Variants in SLC14A2 observed in about 807,000 individuals in gnomAD.
SLC14A2 encodes the protein urea transporter 2.
A neutral mutation model predicts 104.6 loss-of-function variants in SLC14A2; 91 were observed. The observed-to-expected ratio is 0.87, with a 90% CI of 0.73 to 1.04. The LOEUF is 1.04. SLC14A2 is among the 50% of genes least tolerant of loss of function. SLC14A2 has a pLI of 0.00. For missense variants in SLC14A2, 1,189 were observed against 1,156.0 expected, an observed-to-expected ratio of 1.03 and a Z score of -0.41; for synonymous variants, 476 against 466.4, an observed-to-expected ratio of 1.02 and a Z score of -0.27.
chr18:45,643,941 A>C, intron 9 of SLC14A2, 45 bp from the exon 10 acceptor site: 1 of 1,579,808 alleles, frequency 6.3e-7, no homozygotes, highest in South Asian at 1.1e-5. Flanking sequence ...AGCCCAACAC[A>C]GGAAACTAGG....
intron 10 of SLC14A2, chr18:45,647,398 CT>C (rs2045643204): frequency 6.6e-6 from 1 of 152,112 alleles, no homozygotes; most frequent in South Asian, 2.1e-4. Context: ...TTTGTTATCT[CT>C]TTTCTTTAAT....
At chr18:45,283,456 C>T (rs1025281822) in intron 1 of SLC14A2, among the ~76,000 whole-genome samples, 1 of 142,354 alleles carries the variant, frequency 7.0e-6, no homozygotes, top group African/African-American at 2.9e-5. Flanking sequence ...TTTCTGAACA[C>T]GTTGAGTCTC....
chr18:45,624,571 A>G, intron 1 of SLC14A2, 60 bp from the exon 2 acceptor site: 1 of 1,341,850 alleles, frequency 7.5e-7, no homozygotes, highest in Non-Finnish European at 1.0e-6. Flanking sequence ...GTCCAGCCTC[A>G]GCCAAGTCCC....
At chr18:45,584,564 G>T (rs1483092706) in intron 2 of SLC14A2, among the ~76,000 whole-genome samples, 1 of 152,204 alleles carries the variant, frequency 6.6e-6, no homozygotes, top group African/African-American at 2.4e-5. Flanking sequence ...AGCTAAATAT[G>T]AATGCACAGT....
rs540647507 is a variant in SLC14A2 at position 45,683,506 on chromosome 18, C to T, written c.*987C>T. The T allele has an allele frequency of 3.3e-5, 5 of 152,276 alleles. No homozygotes were observed. The South Asian group carries it at 6.2e-4, about 19-fold the overall frequency. The allele number at this position is 152,276 out of a possible 1,614,324, so 9.4% of individuals were successfully genotyped here. On this transcript the variant is annotated 3_prime_UTR_variant, in exon 20 of 20. Coordinates refer to ENST00000255226, the MANE Select transcript of SLC14A2 (RefSeq NM_007163.4). ...GAGTCATAGGAAAATGCTCTCCAGA[C>T]GTGGGGTTAGGAACCTAAATTCACT...
rs572517021 is a variant in SLC14A2 at position 45,669,195 on chromosome 18, C to A, written c.2037-111C>A. The A allele has an allele frequency of 1.3e-3, 1,087 of 847,388 alleles. 21 individuals carry two copies. The South Asian group carries it at 0.018, about 14-fold the overall frequency. 52.5% of individuals were successfully genotyped at this position (847,388 alleles called of 1,614,324 possible). On this transcript the variant is annotated intron_variant, in intron 15 of 19. Transcript: ENST00000255226. ...AGGGCCAGTCAGGCTCCAGAGAATA[C>A]CCAGCAGGCTGCTTTTCTCTAGGAA... is the stretch of plus-strand genomic sequence containing the variant.
chr18:45,396,446 A>C (rs1277187862), intron 1 of SLC14A2, among the ~76,000 whole-genome samples: 1 of 152,108 alleles, frequency 6.6e-6, no homozygotes, highest in African/African-American at 2.4e-5. Flanking sequence ...CAACTATACT[A>C]TCCACATTGC....
chr18:45,288,406 A>G (rs1176514221), intron 1 of SLC14A2, among the ~76,000 whole-genome samples: 2 of 152,212 alleles, frequency 1.3e-5, no homozygotes, highest in East Asian at 3.8e-4. Flanking sequence ...GTGGGGCAGG[A>G]GCAACGATGG....
the SLC14A2 span, among the ~76,000 whole-genome samples, chr18:45,186,540 TAGAC>T: frequency 6.6e-6 from 1 of 152,162 alleles, no homozygotes; most frequent in Non-Finnish European, 1.5e-5. Flanking sequence ...CTCATGCACA[TAGAC>T]AGCCAGGAAG....
Position 45,551,405 on chromosome 18 carries a change from G to A in SLC14A2, c.-35+68083G>A, listed in dbSNP as rs144329781. 6.9e-3 allele frequency among the ~76,000 whole-genome samples: 1,049 copies of A among 152,350 alleles called. 2 individuals are homozygous for A. Among genetic ancestry groups the A allele is most frequent in the Non-Finnish European group, 0.011 (766 of 68,032 alleles). Reference sequence around the variant, plus strand: ...AGTGTGATGCTCAAAGCGCAGAGCTGCAGCAGACTGGGGGCCAAGGGCTTG... The same window carrying A: ...AGTGTGATGCTCAAAGCGCAGAGCTACAGCAGACTGGGGGCCAAGGGCTTG... On this transcript the variant is annotated intron_variant, in intron 2 of 20. Coordinates refer to the SLC14A2 transcript ENST00000586448.
At chr18:45,644,688 G>A (rs898792007) in intron 10 of SLC14A2, among the ~76,000 whole-genome samples, 1 of 152,016 alleles carries the variant, frequency 6.6e-6, no homozygotes, top group African/African-American at 2.4e-5. Flanking sequence ...GGACGATTGG[G>A]GCAGGGAATT....
intron 1 of SLC14A2, among the ~76,000 whole-genome samples, chr18:45,339,658 T>G (rs917945786): frequency 1.3e-5 from 2 of 152,104 alleles, no homozygotes; most frequent in Non-Finnish European, 2.9e-5. Context: ...ATGACCTGGA[T>G]TGTGGACAAT....
intron 1 of SLC14A2, among the ~76,000 whole-genome samples, chr18:45,405,166 AG>A (rs1383647655): frequency 6.6e-6 from 1 of 152,192 alleles, no homozygotes; most frequent in Non-Finnish European, 1.5e-5. Flanking sequence ...AACACTCCCC[AG>A]GGCAGGAGAG....
intron 1 of SLC14A2, among the ~76,000 whole-genome samples, chr18:45,260,386 G>A (rs958722329): frequency 6.6e-6 from 1 of 152,094 alleles, no homozygotes. Flanking sequence ...AATTTGAAGA[G>A]CAAACACTAT....
chr18:45,492,420 C>G (rs1159775162), intron 2 of SLC14A2, among the ~76,000 whole-genome samples: 1 of 152,162 alleles, frequency 6.6e-6, no homozygotes, highest in East Asian at 1.9e-4. Flanking sequence ...AGCAGGTATG[C>G]TGTACATGGC....
At chr18:45,361,783 G>A (rs181736349) in intron 1 of SLC14A2, among the ~76,000 whole-genome samples, 74 of 150,428 alleles carry the variant, frequency 4.9e-4, no homozygotes, top group African/African-American at 1.8e-3. Flanking sequence ...GATTTTGCTT[G>A]AAGAAAGTCT....
At chr18:45,168,365 G>A in the SLC14A2 span, among the ~76,000 whole-genome samples, 2 of 152,102 alleles carry the variant, frequency 1.3e-5, no homozygotes, top group South Asian at 2.1e-4. Context: ...GGAGCCAGAC[G>A]TTCGGTATTT....
At chr18:45,678,917 T>C in intron 18 of SLC14A2, 58 bp from the exon 19 acceptor site, 2 of 1,462,094 alleles carry the variant, frequency 1.4e-6, no homozygotes, top group Non-Finnish European at 1.9e-6. Flanking sequence ...TAGAGCAATC[T>C]TGAGGTGCTA....
chr18:45,585,774 C>G (rs1200864854), intron 2 of SLC14A2, among the ~76,000 whole-genome samples: 1 of 152,140 alleles, frequency 6.6e-6, no homozygotes, highest in Non-Finnish European at 1.5e-5. Context: ...ACCCACCTGC[C>G]CCCTTCTCCC....
Sources: gnomAD v4.1 joint callset for allele counts (sites outside exome capture counted in the v4.1 genomes callset) on GRCh38, gnomAD v4.1.1 for gene constraint, MANE v1.5 for transcripts, NCBI Gene and HGNC (gene_info 2026-07-23, HGNC 2026-07-21) for gene names.